The following GPC5 variants were observed in gnomAD, a reference collection of about 807,000 sequenced individuals.
GPC5 encodes the protein glypican 5.
Under a neutral mutation model 53.9 loss-of-function variants are expected in GPC5, and 47 were observed. That is an observed-to-expected ratio of 0.87 (90% confidence interval 0.69 to 1.11). GPC5 has a LOEUF of 1.11. Ranked by LOEUF, GPC5 falls within the 50% of genes most tolerant of loss-of-function variation. The pLI is 0.00. For missense variants in GPC5, 748 were observed against 713.1 expected, an observed-to-expected ratio of 1.05 and a Z score of -0.56; for synonymous variants, 286 against 263.3, an observed-to-expected ratio of 1.09 and a Z score of -0.84.
chr13:92,491,717 T>C (rs919660580), intron 7 of GPC5, among the ~76,000 whole-genome samples: 3 of 152,304 alleles, frequency 2.0e-5, no homozygotes, highest in Non-Finnish European at 4.4e-5. Context: ...GTCTTCTACC[T>C]GAATATTACT....
At chr13:92,821,143 C>T (rs1020678770) in intron 7 of GPC5, among the ~76,000 whole-genome samples, 8 of 152,148 alleles carry the variant, frequency 5.3e-5, no homozygotes, top group Non-Finnish European at 1.2e-4. Context: ...TTTGGAGTCA[C>T]TGCCTTTGAA....
intron 7 of GPC5, among the ~76,000 whole-genome samples, chr13:92,269,372 C>T (rs1465389461): frequency 1.3e-5 from 2 of 151,440 alleles, no homozygotes; most frequent in Non-Finnish European, 2.9e-5. Context: ...ATTATAGTAG[C>T]TTTATTTTTT....
intron 6 of GPC5, among the ~76,000 whole-genome samples, chr13:91,983,450 C>G (rs1017481793): frequency 6.6e-6 from 1 of 152,092 alleles, no homozygotes; most frequent in Non-Finnish European, 1.5e-5. Context: ...AAAGCAGAGG[C>G]TGATGCTGGA....
intron 7 of GPC5, among the ~76,000 whole-genome samples, chr13:92,403,872 T>C (rs556500134): frequency 1.3e-5 from 2 of 152,192 alleles, no homozygotes; most frequent in South Asian, 2.1e-4. Context: ...GAGCTAATAA[T>C]TTCTTCAAAA....
rs534688035 is a variant in GPC5, at chr13:91,707,841, C to CA, written c.1020+13968dup. On this transcript the variant is annotated intron_variant, in intron 3 of 7. Coordinates refer to ENST00000377067, the MANE Select transcript of GPC5 (RefSeq NM_004466.6). ...AGATAACATAATATATATATATCCACAAAAAAAATACATAGATGATCATCA... is the reference window on the plus strand; with the variant it reads ...AGATAACATAATATATATATATCCACAAAAAAAAATACATAGATGATCATCA... 5.6e-3 allele frequency among the ~76,000 whole-genome samples: 851 copies of CA among 151,328 alleles called. 9 individuals carry two copies. The highest frequency in any genetic ancestry group is 0.018 in the African/African-American group (733 of 41,282).
At chr13:91,725,695 G>A (rs983655798) in intron 3 of GPC5, among the ~76,000 whole-genome samples, 2 of 152,116 alleles carry the variant, frequency 1.3e-5, no homozygotes, top group African/African-American at 4.8e-5. Context: ...TGCAAGGCTG[G>A]TATTTTTCAG....
rs79542829 is a variant in GPC5 at position 92,644,018 on chromosome 13, A to G, written c.1562-222264A>G. On this transcript the variant is annotated intron_variant, in intron 7 of 7. Coordinates refer to ENST00000377067, the MANE Select transcript of GPC5 (RefSeq NM_004466.6). ...CATGGAACAGCTGCATAATTTTGAA[A>G]CTAAGTTAAATCAGAGGAAGCATGG... Among the ~76,000 whole-genome samples, 118 of 152,330 alleles carry G rather than the reference A, an allele frequency of 7.7e-4. 1 individual carries two copies. The highest frequency in any genetic ancestry group is 2.5e-3 in the African/African-American group (106 of 41,580).
chr13:92,339,654 A>C (rs1175088594), intron 7 of GPC5: 1 of 152,128 alleles, frequency 6.6e-6, no homozygotes, highest in Non-Finnish European at 1.5e-5. Context: ...TGTATATAAA[A>C]ATCTGAGCTT....
chr13:92,759,971 T>A (rs1174278556), intron 7 of GPC5, among the ~76,000 whole-genome samples: 1 of 152,080 alleles, frequency 6.6e-6, no homozygotes, highest in Non-Finnish European at 1.5e-5. Context: ...ATTGATATGA[T>A]CGTGTGGTTT....
At chr13:91,937,112 T>C (rs539935985) in intron 6 of GPC5, among the ~76,000 whole-genome samples, 1 of 152,152 alleles carries the variant, frequency 6.6e-6, no homozygotes, top group African/African-American at 2.4e-5. Flanking sequence ...TCTTCCCTAA[T>C]TTAAATGACA....
chr13:91,828,347 ATAGGTAGG>A (rs144877705), intron 5 of GPC5, among the ~76,000 whole-genome samples: 49,740 of 150,022 alleles, frequency 0.33, 9,392 homozygotes, highest in East Asian at 0.63. Context: ...AGATAGGTAG[ATAGGTAGG>A]TAGGTAGGTA....
chr13:91,854,786 T>C (rs1317313797), intron 5 of GPC5, among the ~76,000 whole-genome samples: 1 of 151,872 alleles, frequency 6.6e-6, no homozygotes, highest in Non-Finnish European at 1.5e-5. Flanking sequence ...GTAAAATGTT[T>C]ATATTTTAAA....
At chr13:91,815,045 A>G (rs1405917995) in intron 5 of GPC5, among the ~76,000 whole-genome samples, 5 of 152,164 alleles carry the variant, frequency 3.3e-5, no homozygotes, top group Non-Finnish European at 7.4e-5. Context: ...AGCCTGCAAT[A>G]GAATGACTAG....
At chr13:92,693,227 T>C (rs1414497629) in intron 7 of GPC5, among the ~76,000 whole-genome samples, 1 of 152,140 alleles carries the variant, frequency 6.6e-6, no homozygotes, top group African/African-American at 2.4e-5. Context: ...AATGGACTAA[T>C]ATAGGAAATG....
At chr13:92,472,273 A>T (rs1174360617) in intron 7 of GPC5, among the ~76,000 whole-genome samples, 1 of 152,144 alleles carries the variant, frequency 6.6e-6, no homozygotes, top group Non-Finnish European at 1.5e-5. Context: ...TTCTCTTTCC[A>T]GGAATATTTA....
intron 7 of GPC5, among the ~76,000 whole-genome samples, chr13:92,608,728 C>T (rs1884338522): frequency 6.6e-6 from 1 of 152,200 alleles, no homozygotes; most frequent in South Asian, 2.1e-4. Context: ...CTGCCCGTGA[C>T]TCCACCTTTG....
At chr13:92,739,357 A>G (rs1889025800) in intron 7 of GPC5, among the ~76,000 whole-genome samples, 1 of 152,122 alleles carries the variant, frequency 6.6e-6, no homozygotes, top group South Asian at 2.1e-4. Context: ...CATGAAGAGC[A>G]TGAGGAACAA....
intron 7 of GPC5, among the ~76,000 whole-genome samples, chr13:92,543,222 A>C (rs1052442694): frequency 7.2e-5 from 11 of 151,998 alleles, no homozygotes; most frequent in Admixed American, 3.3e-4. Context: ...CTGTCTTCAC[A>C]TTCAGAAATT....
At chr13:92,559,720 G>T (rs1402261573) in intron 7 of GPC5, among the ~76,000 whole-genome samples, 1 of 151,538 alleles carries the variant, frequency 6.6e-6, no homozygotes, top group Non-Finnish European at 1.5e-5. Flanking sequence ...TCAAATAAAG[G>T]CTTGGCCTAA....
Sources: gnomAD v4.1 joint callset for allele counts (sites outside exome capture counted in the v4.1 genomes callset) on GRCh38, gnomAD v4.1.1 for gene constraint, MANE v1.5 for transcripts, NCBI Gene and HGNC (gene_info 2026-07-23, HGNC 2026-07-21) for gene names.